The following CABCOCO1 variants were observed in gnomAD, a reference collection of about 807,000 sequenced individuals.
CABCOCO1 encodes the protein ciliary-associated calcium-binding coiled-coil protein 1.
Under a neutral mutation model 35.7 loss-of-function variants are expected in CABCOCO1, and 28 were observed. That is an observed-to-expected ratio of 0.78 (90% CI 0.58 to 1.07). The LOEUF (loss-of-function observed/expected upper bound fraction) is 1.07, where lower values mean the gene tolerates loss of function less well. Ranked by LOEUF, CABCOCO1 falls within the 50% of genes least tolerant of loss-of-function variation. CABCOCO1 has a pLI of 0.00. For synonymous variants in CABCOCO1, 95 were observed against 100.1 expected, an observed-to-expected ratio of 0.95 and a Z score of 0.30; for missense variants, 326 against 309.2, an observed-to-expected ratio of 1.05 and a Z score of -0.41.
At chr10:61,707,735 G>T (rs1167245309) in intron 5 of CABCOCO1, among the ~76,000 whole-genome samples, 1 of 152,080 alleles carries the variant, frequency 6.6e-6, no homozygotes, top group Non-Finnish European at 1.5e-5. Context: ...GTGTTGCAAT[G>T]GAACTTTTTT....
intron 5 of CABCOCO1, among the ~76,000 whole-genome samples, chr10:61,714,761 C>T (rs1035290878): frequency 2.6e-5 from 4 of 152,076 alleles, no homozygotes; most frequent in Admixed American, 6.6e-5. Context: ...GCCTTCATTT[C>T]GTTATTTACC....
chr10:61,743,523 C>T (rs577063497), intron 5 of CABCOCO1, among the ~76,000 whole-genome samples: 22 of 152,230 alleles, frequency 1.4e-4, no homozygotes, highest in Admixed American at 1.4e-3. Flanking sequence ...TACTATCAAT[C>T]AGCCGGTCAT....
intron 3 of CABCOCO1, chr10:61,684,827 T>G (rs1166126163): frequency 2.0e-5 from 3 of 152,220 alleles, no homozygotes; most frequent in Non-Finnish European, 2.9e-5. Flanking sequence ...AGTGTGTGTG[T>G]GGGTTGTAAA....
intron 5 of CABCOCO1, among the ~76,000 whole-genome samples, chr10:61,707,896 C>A (rs1348271160): frequency 6.6e-6 from 1 of 151,858 alleles, no homozygotes; most frequent in Non-Finnish European, 1.5e-5. Context: ...AAGGTAAGCC[C>A]CCCACCACAG....
At position 61,662,937 on chromosome 10, in the gene CABCOCO1, GA is replaced by G. The variant is rs1839042656; in HGVS notation, c.-35del. On this transcript the variant is annotated 5_prime_UTR_variant, in exon 1 of 8. Transcript: ENST00000648843. The stretch of plus-strand genomic sequence containing the variant: ...CCGGCCCCACCCCAGTTGCCTAGGT[GA>G]CGAGGGGCCGCTTCTCTCGGCCGAG... 2.6e-6 allele frequency: 1 copy of G among 388,874 alleles called. No individual in the cohort carries two copies. 24.1% of individuals were successfully genotyped at this position (388,874 alleles called of 1,614,324 possible).
chr10:61,663,398 A>G (rs967357674), intron 1 of CABCOCO1, among the ~76,000 whole-genome samples: 19 of 151,230 alleles, frequency 1.3e-4, no homozygotes, highest in African/African-American at 4.6e-4. Context: ...AATTCTAGGT[A>G]AAATAAGTAA....
chr10:61,758,738 C>T lies in CABCOCO1; in HGVS notation c.553-1321C>T, dbSNP rs1841948869. ...GGCCAATCATTTAACCTCTTGGTTT[C>T]CAAATCTTTTTGCCTATAAAGTTAG... On this transcript the variant is annotated intron_variant, in intron 5 of 7. Coordinates refer to ENST00000648843, the MANE Select transcript of CABCOCO1 (RefSeq NM_001366906.2). Among the ~76,000 whole-genome samples the T allele has an allele frequency of 2.6e-5, 4 of 152,106 alleles. No homozygotes were observed. The South Asian group carries it at 8.3e-4, about 32-fold the overall frequency.
In CABCOCO1 at chr10:61,763,479, T is replaced by A. The variant is rs1842048735; in HGVS notation, c.817-2460T>A. ...TAGGTATTTTAATTTTAAAGATACA[T>A]TCAAAATGAAATTATTTTGGCCCTG... On this transcript the variant is annotated intron_variant, in intron 7 of 7. Transcript: ENST00000648843. 2.0e-5 allele frequency among the ~76,000 whole-genome samples: 3 copies of A among 152,186 alleles called. No individual in the cohort carries two copies. In the South Asian group the frequency reaches 6.2e-4, roughly 32 times the overall value.
At chr10:61,679,697 T>C (rs1839647754) in intron 2 of CABCOCO1, among the ~76,000 whole-genome samples, 1 of 152,012 alleles carries the variant, frequency 6.6e-6, no homozygotes, top group Admixed American at 6.6e-5. Context: ...ACAAAGAATA[T>C]GCATTCCAGG....
At chr10:61,732,219 C>T (rs1841319266) in intron 5 of CABCOCO1, among the ~76,000 whole-genome samples, 1 of 152,060 alleles carries the variant, frequency 6.6e-6, no homozygotes, top group Non-Finnish European at 1.5e-5. Flanking sequence ...ATACAGTCTG[C>T]CTGGATTCCC....
chr10:61,667,333 G>T (rs1265235204), intron 1 of CABCOCO1, among the ~76,000 whole-genome samples: 1 of 150,606 alleles, frequency 6.6e-6, no homozygotes, highest in East Asian at 1.9e-4. Context: ...GTCCATTACT[G>T]TGTCAATATC....
In CABCOCO1 at chr10:61,690,630, T is replaced by G. The variant is rs1840108884; in HGVS notation, c.552+9T>G. ...TTGTGATAGGAACTGAGGTAAGTAA[T>G]TTATCTAGATGGAACAAGTTAAGCA... On this transcript the variant is annotated intron_variant, in intron 5 of 7. Coordinates refer to ENST00000648843, the MANE Select transcript of CABCOCO1 (RefSeq NM_001366906.2). 1.9e-6 allele frequency: 3 copies of G among 1,559,010 alleles called. No individual in the cohort carries two copies. In the African/African-American group the frequency reaches 4.1e-5, roughly 21 times the overall value.
At chr10:61,664,868 G>T (rs994755067) in intron 1 of CABCOCO1, among the ~76,000 whole-genome samples, 1 of 152,094 alleles carries the variant, frequency 6.6e-6, no homozygotes, top group Non-Finnish European at 1.5e-5. Context: ...TCTCTCTTGT[G>T]GTCTGTTCCC....
chr10:61,736,923 T>A (rs931710910), intron 5 of CABCOCO1, among the ~76,000 whole-genome samples: 1 of 152,130 alleles, frequency 6.6e-6, no homozygotes, highest in Non-Finnish European at 1.5e-5. Flanking sequence ...TGGGATCGCC[T>A]TTCTGATTTG....
chr10:61,762,519 T>A (rs190430501), intron 7 of CABCOCO1, among the ~76,000 whole-genome samples: 1 of 152,164 alleles, frequency 6.6e-6, no homozygotes, highest in East Asian at 1.9e-4. Flanking sequence ...TTTGTAGACA[T>A]CAGCCTGGGC....
intron 5 of CABCOCO1, 82 bp from the exon 6 acceptor site, chr10:61,759,977 G>A (rs1841972284): frequency 6.6e-7 from 1 of 1,519,994 alleles, no homozygotes; most frequent in African/African-American, 1.4e-5. Context: ...TTGGAACTAT[G>A]GTACATATAT....
chr10:61,702,347 A>G (rs1401814272), intron 5 of CABCOCO1, among the ~76,000 whole-genome samples: 1 of 152,156 alleles, frequency 6.6e-6, no homozygotes, highest in Non-Finnish European at 1.5e-5. Context: ...TCTCATTAGT[A>G]AAGTCCAAAA....
chr10:61,729,038 T>C (rs1337026209), intron 5 of CABCOCO1, among the ~76,000 whole-genome samples: 1 of 152,134 alleles, frequency 6.6e-6, no homozygotes, highest in Non-Finnish European at 1.5e-5. Flanking sequence ...ATATTTGTGG[T>C]AAGGGGGAAG....
At chr10:61,712,355 G>GT (rs986953963) in intron 5 of CABCOCO1, among the ~76,000 whole-genome samples, 3 of 151,968 alleles carry the variant, frequency 2.0e-5, no homozygotes, top group African/African-American at 7.2e-5. Flanking sequence ...TGATGGGGTT[G>GT]TTTTTTTCTT....
Sources: gnomAD v4.1 joint callset for allele counts (sites outside exome capture counted in the v4.1 genomes callset) on GRCh38, gnomAD v4.1.1 for gene constraint, MANE v1.5 for transcripts, NCBI Gene and HGNC (gene_info 2026-07-23, HGNC 2026-07-21) for gene names.